SLC36A1: variants seen among roughly 807,000 people sequenced by gnomAD.
SLC36A1 encodes proton-coupled amino acid transporter 1.
A neutral mutation model predicts 47.5 loss-of-function variants in SLC36A1; 30 were observed. The ratio of observed to expected loss-of-function variants is 0.63; its 90% confidence interval spans 0.47 to 0.86. The LOEUF is 0.86. SLC36A1 is among the 40% of genes least tolerant of loss of function. The pLI, the probability that SLC36A1 is intolerant of heterozygous loss-of-function variation, is 0.00. For synonymous variants in SLC36A1, 255 were observed against 249.7 expected (o/e 1.02, Z -0.20); for missense variants, 517 against 606.0 (o/e 0.85, Z 1.54).
chr5:151,431,162 A>G, the SLC36A1 span: 5 of 152,330 alleles, frequency 3.3e-5, no homozygotes, highest in Non-Finnish European at 5.9e-5. Flanking sequence ...TTGTCTGTCA[A>G]GAACTACAGG....
rs751656706 is a variant in SLC36A1, at chr5:151,479,383, C to T, written c.1053C>T (p.Phe351=). The T allele has an allele frequency of 9.3e-6, 15 of 1,614,114 alleles. No homozygotes were observed. The highest frequency in any genetic ancestry group is 1.3e-5 in the Non-Finnish European group (15 of 1,180,048). ...TCTTTTTCACCTACGCACTCCAGTT[C>T]TACGTCCCGGCTGAGATCATCATCC... is the stretch of plus-strand genomic sequence containing the variant. ...IGIFFTYALQ[F]YVPAEIIIPF... The change falls in exon 10 of 11, where the codon TTC becomes TTT. Residue 351 remains phenylalanine (F), a synonymous_variant. Transcript: ENST00000243389.
intron 7 of SLC36A1, chr5:151,469,157 G>T (rs1439198016): frequency 4.9e-6 from 3 of 615,892 alleles, no homozygotes; most frequent in Non-Finnish European, 8.8e-6. Context: ...TTAAAATGCA[G>T]ACAACACAAA....
the SLC36A1 span, among the ~76,000 whole-genome samples, chr5:151,427,733 A>C: frequency 6.6e-6 from 1 of 152,152 alleles, no homozygotes; most frequent in Non-Finnish European, 1.5e-5. Context: ...ACCCCTGTGC[A>C]GCAACTTTCA....
chr5:151,540,824 C>A, the SLC36A1 span: 2 of 1,463,774 alleles, frequency 1.4e-6, no homozygotes, highest in Non-Finnish European at 1.9e-6. Flanking sequence ...GGCTTTGTGT[C>A]ACAGGTGGCT....
At position 151,455,399 on chromosome 5, in the gene SLC36A1, G is replaced by A. The variant is rs190129172; in HGVS notation, c.-5-3389G>A. 4.6e-5 allele frequency among the ~76,000 whole-genome samples: 7 copies of A among 151,982 alleles called. No individual in the cohort carries two copies. In the East Asian group the frequency reaches 7.7e-4, roughly 17 times the overall value. On this transcript the variant is annotated intron_variant, in intron 1 of 10. Coordinates refer to ENST00000243389, the MANE Select transcript of SLC36A1 (RefSeq NM_078483.4). ...TGCTTAGCCACATCTTCCATATCCCGCAGGCTTATTGGACCTTAAATCTAT... is the reference window on the plus strand; with the variant it reads ...TGCTTAGCCACATCTTCCATATCCCACAGGCTTATTGGACCTTAAATCTAT...
At chr5:151,543,872 G>C in the SLC36A1 span, 1 of 1,614,178 alleles carries the variant, frequency 6.2e-7, no homozygotes, top group Non-Finnish European at 8.5e-7. Context: ...TTGCCAGAAA[G>C]AATCAGGTAC....
intron 7 of SLC36A1, among the ~76,000 whole-genome samples, chr5:151,469,916 A>C (rs1384853407): frequency 6.6e-6 from 1 of 152,182 alleles, no homozygotes; most frequent in East Asian, 1.9e-4. Context: ...AGTTTCCAGG[A>C]AGACAGTGGC....
the SLC36A1 span, chr5:151,381,212 T>C: frequency 2.8e-6 from 1 of 360,958 alleles, no homozygotes; most frequent in South Asian, 2.8e-5. Context: ...ACTATATGCC[T>C]CCTCCTCAGG....
At chr5:151,543,326 C>T in the SLC36A1 span, 5 of 1,614,178 alleles carry the variant, frequency 3.1e-6, no homozygotes, top group Non-Finnish European at 4.2e-6. Flanking sequence ...ACCGGAGAGT[C>T]TTTACTGACA....
the SLC36A1 span, among the ~76,000 whole-genome samples, chr5:151,367,610 A>G: frequency 4.6e-5 from 7 of 152,246 alleles, no homozygotes; most frequent in Middle Eastern, 3.4e-3. Flanking sequence ...TTTACAATCA[A>G]TTTGTACAGT....
At chr5:151,442,574 G>A (rs1307030818) in intron 1 of SLC36A1, among the ~76,000 whole-genome samples, 1 of 152,044 alleles carries the variant, frequency 6.6e-6, no homozygotes, top group Non-Finnish European at 1.5e-5. Flanking sequence ...ATCCTACAGA[G>A]CTATAGAACT....
chr5:151,398,437 A>C, the SLC36A1 span, among the ~76,000 whole-genome samples: 1 of 152,148 alleles, frequency 6.6e-6, no homozygotes, highest in Non-Finnish European at 1.5e-5. Context: ...GGGTGTTAAA[A>C]AGAAAGTATC....
chr5:151,362,119 GA>G, the SLC36A1 span, among the ~76,000 whole-genome samples: 3 of 152,120 alleles, frequency 2.0e-5, no homozygotes, highest in Admixed American at 2.0e-4. Flanking sequence ...TTCAACTTTT[GA>G]AAAGTTTTCT....
the SLC36A1 span, among the ~76,000 whole-genome samples, chr5:151,393,470 G>T: frequency 6.6e-6 from 1 of 152,114 alleles, no homozygotes; most frequent in Non-Finnish European, 1.5e-5. Flanking sequence ...TATTTTGCTC[G>T]TCAGTTGATG....
At chr5:151,373,891 T>G in the SLC36A1 span, among the ~76,000 whole-genome samples, 1 of 152,180 alleles carries the variant, frequency 6.6e-6, no homozygotes, top group Admixed American at 6.5e-5. Flanking sequence ...TGAGCCACTG[T>G]GCTCAGCCTG....
intron 1 of SLC36A1, among the ~76,000 whole-genome samples, chr5:151,458,367 T>C (rs1397495625): frequency 1.6e-5 from 2 of 127,162 alleles, no homozygotes; most frequent in African/African-American, 3.3e-5. Context: ...ACACACACGA[T>C]TGAACTATTG....
chr5:151,449,246 A>AT (rs1753249631), intron 1 of SLC36A1, among the ~76,000 whole-genome samples: 1 of 152,172 alleles, frequency 6.6e-6, no homozygotes, highest in Non-Finnish European at 1.5e-5. Flanking sequence ...GCTGAAAATG[A>AT]TTTTTAACTG....
At chr5:151,428,154 C>A in the SLC36A1 span, among the ~76,000 whole-genome samples, 2 of 152,166 alleles carry the variant, frequency 1.3e-5, no homozygotes, top group South Asian at 4.1e-4. Flanking sequence ...TCCAATCTTT[C>A]TAATGGCTAT....
chr5:151,358,191 T>C, the SLC36A1 span, among the ~76,000 whole-genome samples: 11,113 of 152,252 alleles, frequency 0.073, 965 homozygotes, highest in African/African-American at 0.21. Flanking sequence ...GTTTGCATAC[T>C]AAGTTAGGTT....
Sources: allele counts gnomAD v4.1 joint callset (sites outside exome capture counted in the v4.1 genomes callset), GRCh38; gene constraint gnomAD v4.1.1; transcripts MANE v1.5; gene names NCBI Gene and HGNC (gene_info 2026-07-23, HGNC 2026-07-21).